Variants in JAG1 observed in about 807,000 individuals in gnomAD.
The protein encoded by JAG1 is protein jagged-1.
A neutral mutation model predicts 148.7 loss-of-function variants in JAG1; 23 were observed. The ratio of observed to expected loss-of-function variants is 0.15; its 90% CI spans 0.11 to 0.22. The LOEUF (loss-of-function observed/expected upper bound fraction) is 0.22. JAG1 is among the 10% of genes least tolerant of loss of function. The probability of loss-of-function intolerance (pLI) is 1.00; values close to 1 mark genes in which losing one functional copy is unlikely to be tolerated. For synonymous variants in JAG1, 572 were observed against 598.3 expected (o/e 0.96, Z 0.64); for missense variants, 1,054 against 1,611.2 (o/e 0.65, Z 5.92).
At chr20:10,648,190 G>C in intron 12 of JAG1, 80 bp from the exon 13 acceptor site, 3 of 1,540,882 alleles carry the variant, frequency 1.9e-6, no homozygotes, top group Non-Finnish European at 2.7e-6. Context: ...TGGGGCAGCA[G>C]GCACTGGAAT....
intron 12 of JAG1, 113 bp downstream of exon 12, chr20:10,648,436 A>T: frequency 1.1e-6 from 1 of 896,422 alleles, no homozygotes; most frequent in Non-Finnish European, 1.9e-6. Flanking sequence ...ATAGGATGTT[A>T]ATAGATGTTA....
rs2122608883 is a variant in JAG1, at chr20:10,648,669, G to A, written c.1449C>T (p.His483=). ...CICPPGYAGD[H]CERDIDECAS... ...CACATTCATCGATGTCTCTCTCACA[G>A]TGATCGCCTGCATAGCCAGGTGGAC... Residue 483 remains histidine, a synonymous_variant, in exon 12 of 26, where the codon CAC becomes CAT. Transcript: ENST00000254958. 6.2e-7 allele frequency: 1 copy of A among 1,614,196 alleles called. No individual in the cohort carries two copies. The highest frequency in any genetic ancestry group is 1.1e-5 in the South Asian group (1 of 91,086).
intron 18 of JAG1, 103 bp from the exon 19 acceptor site, chr20:10,644,487 T>C: frequency 2.2e-6 from 2 of 924,268 alleles, no homozygotes; most frequent in Non-Finnish European, 3.5e-6. Flanking sequence ...AATGATAAAG[T>C]CGTAGTTAAC....
At chr20:10,658,434 A>G (rs1193711408) in intron 4 of JAG1, 34 bp downstream of exon 4, 1 of 1,611,774 alleles carries the variant, frequency 6.2e-7, no homozygotes, top group Admixed American at 1.7e-5. Context: ...TAAAAGCAAC[A>G]GGCACACGTG....
In JAG1 at chr20:10,673,504, C is replaced by A; in HGVS notation, c.27G>T (p.Arg9=). 2 of 1,270,224 alleles carry A rather than the reference C, an allele frequency of 1.6e-6. No homozygotes were observed. Among genetic ancestry groups the A allele is most frequent in the Non-Finnish European group, 2.0e-6 (2 of 1,001,124 alleles). The allele number at this position is 1,270,224 out of a possible 1,614,324, so 78.7% of individuals were successfully genotyped here. ...GCAGGAGGCTTAGGGGGCGCCCGGA[C>A]CGGCCGCGCGTCCGTGGGGAACGCA... MRSPRTRG[R]SGRPLSLLLA... is the part of the protein sequence containing the mutation. Residue 9 remains arginine, a synonymous_variant, in exon 1 of 26, where the codon CGG becomes CGT. Coordinates refer to ENST00000254958, the MANE Select transcript of JAG1 (RefSeq NM_000214.3). The surrounding 1 kb of genome is among the most constrained non-coding windows in gnomAD (Gnocchi z 4.7).
chr20:10,648,048 G>A lies in JAG1; in HGVS notation c.1632C>T (p.Ala544=), dbSNP rs1223607049. Residue 544 remains alanine, a synonymous_variant, in exon 13 of 26, where the codon GCC becomes GCT. Coordinates refer to ENST00000254958, the MANE Select transcript of JAG1 (RefSeq NM_000214.3). The part of the protein sequence containing the change: ...CQNGAQCYNR[A]SDYFCKCPED... Reference sequence around the variant, plus strand: ...CGGGGCACTTGCAGAAATAGTCACTGGCACGGTTGTAGCACTGGGCACCGT... The same window carrying A: ...CGGGGCACTTGCAGAAATAGTCACTAGCACGGTTGTAGCACTGGGCACCGT... 4 of 1,614,044 alleles carry A rather than the reference G, an allele frequency of 2.5e-6. No homozygotes were observed. Among genetic ancestry groups the A allele is most frequent in the Admixed American group, 1.7e-5 (1 of 60,000 alleles).
chr20:10,650,902 T>G (rs2067341566), intron 8 of JAG1: 1 of 164,038 alleles, frequency 6.1e-6, no homozygotes, highest in Non-Finnish European at 1.3e-5. Context: ...CTGTGCCATT[T>G]AAAGAGGGCC....
chr20:10,641,558 T>C lies in JAG1; in HGVS notation c.2818A>G (p.Ser940Gly). Residue 940 changes from serine (S) to glycine (G), a missense_variant, in exon 23 of 26, where the codon AGT (serine) becomes GGT (glycine). By Grantham distance (56) the Ser-to-Gly change is moderately conservative (BLOSUM62 0). Coordinates refer to ENST00000254958, the MANE Select transcript of JAG1 (RefSeq NM_000214.3). ...CTGVGECRSSSLQPVKTKCTS... is the reference protein window; with the variant it reads ...CTGVGECRSSGLQPVKTKCTS... Reference sequence around the variant, plus strand: ...CACTTTGTCTTCACCGGCTGGAGACTGGAAGACCGACACTCGCCCACACCA... The same window carrying C: ...CACTTTGTCTTCACCGGCTGGAGACCGGAAGACCGACACTCGCCCACACCA... 1.2e-6 allele frequency: 2 copies of C among 1,614,224 alleles called. No homozygotes were observed. The highest frequency in any genetic ancestry group is 1.7e-6 in the Non-Finnish European group (2 of 1,180,036).
At position 10,672,916 on chromosome 20, in the gene JAG1, C is replaced by A. The variant is rs747526945; in HGVS notation, c.172G>T (p.Ala58Ser). Residue 58 changes from alanine (A) to serine (S), a missense_variant, in exon 2 of 26, where the codon GCC (alanine) becomes TCC (serine). Coordinates refer to ENST00000254958, the MANE Select transcript of JAG1 (RefSeq NM_000214.3). ...CACTTGCGGTCTCCCGGGTTCCGGG[C>A]GCCGCCGCAGCAGTTCCCGTTCTGC... ...ELQNGNCCGG[A>S]RNPGDRKCTR... 1.2e-6 allele frequency: 2 copies of A among 1,613,158 alleles called. No individual in the cohort carries two copies. The highest frequency in any genetic ancestry group is 8.5e-7 in the Non-Finnish European group (1 of 1,180,010).
At chr20:10,655,395 C>A (rs976401541) in intron 5 of JAG1, among the ~76,000 whole-genome samples, 5 of 152,146 alleles carry the variant, frequency 3.3e-5, no homozygotes, top group African/African-American at 1.2e-4. Context: ...GGAAGTTACA[C>A]TTTGAGTACT....
chr20:10,645,138 G>T lies in JAG1; in HGVS notation c.2227+5C>A. The stretch of plus-strand genomic sequence containing the variant: ...CTGCAGATCCCACGTGGGGCATAAA[G>T]TTACCTATGTTACAGGTTGTTCCTT... On this transcript the variant is annotated splice_donor_5th_base_variant and intron_variant, in intron 17 of 25. Transcript: ENST00000254958. The surrounding 1 kb of genome is among the most constrained non-coding windows in gnomAD (Gnocchi z 6.1). 1 of 1,610,426 alleles carries T rather than the reference G, an allele frequency of 6.2e-7. No homozygotes were observed. Among genetic ancestry groups the T allele is most frequent in the African/African-American group, 1.3e-5 (1 of 74,984 alleles).
chr20:10,647,705 C>T (rs2067318802), intron 13 of JAG1, among the ~76,000 whole-genome samples: 1 of 152,216 alleles, frequency 6.6e-6, no homozygotes, highest in Non-Finnish European at 1.5e-5. Flanking sequence ...TGCACATCAG[C>T]CCACCCCAGA....
rs1555828589 is a variant in JAG1, at chr20:10,648,105, G to A, written c.1575C>T (p.Asp525=). The A allele has an allele frequency of 1.9e-6, 3 of 1,614,046 alleles. No individual in the cohort carries two copies. Among genetic ancestry groups the A allele is most frequent in the East Asian group, 4.5e-5 (2 of 44,898 alleles). Residue 525 remains aspartate, a synonymous_variant, in exon 13 of 26, where the codon GAC becomes GAT. Coordinates refer to ENST00000254958, the MANE Select transcript of JAG1 (RefSeq NM_000214.3). ...AGGGATTAGGCTCACAATAATCGATGTCCAGCTGCAAATATCAGGAACAGC... is the reference window on the plus strand; with the variant it reads ...AGGGATTAGGCTCACAATAATCGATATCCAGCTGCAAATATCAGGAACAGC... The part of the protein sequence containing the change: ...TGFSGNLCQL[D]IDYCEPNPCQ...
At chr20:10,669,052 A>G (rs1012892633) in intron 2 of JAG1, among the ~76,000 whole-genome samples, 10 of 152,182 alleles carry the variant, frequency 6.6e-5, no homozygotes, top group African/African-American at 2.4e-4. Flanking sequence ...GAAACCAAGT[A>G]CCTGGAATAA....
Position 10,641,470 on chromosome 20 carries a change from A to G in JAG1, c.2906T>C (p.Met969Thr), listed in dbSNP as rs996708535. 2 of 1,613,578 alleles carry G rather than the reference A, an allele frequency of 1.2e-6. No homozygotes were observed. Among genetic ancestry groups the G allele is most frequent in the African/African-American group, 2.7e-5 (2 of 74,906 alleles). ...ANITFTFNKE[M>T]MSPGLTTEHI... is the part of the protein sequence containing the mutation. ...AAGGTTGTTACATACTGGTGACATC[A>G]TCTCCTTGTTAAAGGTAAATGTGAT... The change falls in exon 23 of 26, where the codon ATG becomes ACG. Residue 969 changes from methionine (M) to threonine (T), a missense_variant. Around this residue, in one of 6 missense-constraint regions of JAG1, gnomAD observed 342 missense variants for 514.6 expected, o/e 0.66. Coordinates refer to ENST00000254958, the MANE Select transcript of JAG1 (RefSeq NM_000214.3).
At position 10,673,588 on chromosome 20, in the gene JAG1, T is replaced by A; in HGVS notation, c.-58A>T. 1 of 1,006,014 alleles carries A rather than the reference T, an allele frequency of 9.9e-7. No individual in the cohort carries two copies. Among genetic ancestry groups the A allele is most frequent in the Non-Finnish European group, 1.3e-6 (1 of 784,212 alleles). The allele number at this position is 1,006,014 out of a possible 1,614,324, so 62.3% of individuals were successfully genotyped here. On this transcript the variant is annotated 5_prime_UTR_variant, in exon 1 of 26. Transcript: ENST00000254958. The surrounding 1 kb of genome is among the most constrained non-coding windows in gnomAD (Gnocchi z 4.7). Reference sequence around the variant, plus strand: ...CCGCCGCTGCTGTTCGCGCTGGTGCTGCCGCCGGTGCTGCCGTCGCCGCTG... The same window carrying A: ...CCGCCGCTGCTGTTCGCGCTGGTGCAGCCGCCGGTGCTGCCGTCGCCGCTG...
At position 10,641,654 on chromosome 20, in the gene JAG1, G is replaced by A. The variant is rs753288194; in HGVS notation, c.2722C>T (p.His908Tyr). The change falls in exon 23 of 26, where the codon CAC (histidine) becomes TAC (tyrosine). Residue 908 changes from histidine to tyrosine, a missense_variant. Transcript: ENST00000254958. ...GPRPCLLHKG[H>Y]SECPSGQSCI... ...CTCTGCCCGCTGGGGCACTCGCTGT[G>A]CCCTTTGTGGAGCAGGCAAGGTCGA... The A allele has an allele frequency of 6.2e-7, 1 of 1,613,946 alleles. No individual in the cohort carries two copies. The highest frequency in any genetic ancestry group is 1.1e-5 in the South Asian group (1 of 91,088).
chr20:10,671,081 C>G (rs1378051234), intron 2 of JAG1, among the ~76,000 whole-genome samples: 1 of 152,182 alleles, frequency 6.6e-6, no homozygotes, highest in Non-Finnish European at 1.5e-5. Context: ...CTTTTATGGT[C>G]TTGTGAAAAG....
rs1361575503 is a variant in JAG1, at chr20:10,668,509, T to A, written c.387+4192A>T. 4.3e-4 allele frequency among the ~76,000 whole-genome samples: 65 copies of A among 152,278 alleles called. 1 individual carries two copies. Among genetic ancestry groups the A allele is most frequent in the African/African-American group, 1.5e-3 (62 of 41,538 alleles). Reference sequence around the variant, plus strand: ...TAATTGTATGCACATCCAGAGATCATGCATTCTTACATTGTCACTAACCTT... The same window carrying A: ...TAATTGTATGCACATCCAGAGATCAAGCATTCTTACATTGTCACTAACCTT... On this transcript the variant is annotated intron_variant, in intron 2 of 25. Transcript: ENST00000254958.
Sources: gnomAD v4.1 joint callset for allele counts (sites outside exome capture counted in the v4.1 genomes callset) on GRCh38, gnomAD v4.1.1 for gene constraint, gnomAD v4.1.1 regional missense constraint, Gnocchi (gnomAD v3.1) non-coding constraint, MANE v1.5 for transcripts, NCBI Gene and HGNC (gene_info 2026-07-23, HGNC 2026-07-21) for gene names.